ZSWIM5: variants seen among roughly 807,000 people sequenced by gnomAD.
The protein encoded by ZSWIM5 is zinc finger SWIM-type containing 5, also known as zinc finger SWIM domain-containing protein 5.
ZSWIM5 carries 55 observed loss-of-function variants against 119.6 expected under a neutral mutation model. The ratio of observed to expected loss-of-function variants is 0.46; its 90% CI spans 0.37 to 0.58. The LOEUF (loss-of-function observed/expected upper bound fraction) is 0.58. Among genes scored for constraint, ZSWIM5 ranks in the 20% least tolerant of loss-of-function variants. The probability of loss-of-function intolerance (pLI) is 0.00; values close to 1 mark genes in which losing one functional copy is unlikely to be tolerated. For missense variants in ZSWIM5, 1,193 were observed against 1,512.8 expected (o/e 0.79, Z 3.51); for synonymous variants, 537 against 606.9 (o/e 0.88, Z 1.69).
intron 1 of ZSWIM5, among the ~76,000 whole-genome samples, chr1:45,132,865 T>C (rs924700830): frequency 6.6e-6 from 1 of 152,292 alleles, no homozygotes; most frequent in African/African-American, 2.4e-5. Context: ...ATGTGGTGTT[T>C]GGTTTTTTTG....
At chr1:45,132,780 A>G (rs2149031334) in intron 1 of ZSWIM5, among the ~76,000 whole-genome samples, 1 of 152,062 alleles carries the variant, frequency 6.6e-6, no homozygotes, top group East Asian at 1.9e-4. Context: ...ACCCCACAAC[A>G]GGCCCCAGTG....
At chr1:45,164,835 C>G (rs190831335) in intron 1 of ZSWIM5, among the ~76,000 whole-genome samples, 2 of 152,034 alleles carry the variant, frequency 1.3e-5, no homozygotes, top group Non-Finnish European at 2.9e-5. Flanking sequence ...TAGAGACCTA[C>G]GAAGAGACTT....
At chr1:45,165,741 C>T (rs1410932445) in intron 1 of ZSWIM5, among the ~76,000 whole-genome samples, 1 of 152,120 alleles carries the variant, frequency 6.6e-6, no homozygotes, top group Non-Finnish European at 1.5e-5. Flanking sequence ...TTCCTGAACA[C>T]ATACACCCTC....
intron 1 of ZSWIM5, among the ~76,000 whole-genome samples, chr1:45,136,768 CCTTGTGAATA>C: frequency 6.6e-6 from 1 of 151,984 alleles, no homozygotes; most frequent in East Asian, 1.9e-4. Context: ...AGGTTTCAGC[CCTTGTGAATA>C]CTAGTCTATT....
intron 11 of ZSWIM5, among the ~76,000 whole-genome samples, chr1:45,026,738 T>G (rs1466076349): frequency 1.3e-5 from 2 of 152,180 alleles, no homozygotes. Context: ...CCTCATAGAG[T>G]AAGGAAGTGT....
At chr1:45,162,524 C>T (rs1223974936) in intron 1 of ZSWIM5, among the ~76,000 whole-genome samples, 2 of 152,212 alleles carry the variant, frequency 1.3e-5, no homozygotes, top group Non-Finnish European at 2.9e-5. Context: ...GGCGAGGCAT[C>T]GCCTCACCCA....
intron 1 of ZSWIM5, among the ~76,000 whole-genome samples, chr1:45,203,084 G>A (rs1646167483): frequency 6.6e-6 from 1 of 151,988 alleles, no homozygotes; most frequent in African/African-American, 2.4e-5. Context: ...CATCCCTGAA[G>A]AGACTAATTT....
intron 1 of ZSWIM5, among the ~76,000 whole-genome samples, chr1:45,097,014 C>T (rs1304585457): frequency 1.3e-5 from 2 of 152,180 alleles, no homozygotes; most frequent in African/African-American, 4.8e-5. Flanking sequence ...CTCCTAACAA[C>T]CAAGTACTTT....
At chr1:45,134,218 C>T (rs571714988) in intron 1 of ZSWIM5, among the ~76,000 whole-genome samples, 31 of 152,144 alleles carry the variant, frequency 2.0e-4, no homozygotes, top group African/African-American at 7.2e-4. Context: ...GCCATTTTCA[C>T]GATACTGATT....
At chr1:45,044,323 C>T (rs1645034267) in intron 5 of ZSWIM5, among the ~76,000 whole-genome samples, 1 of 152,008 alleles carries the variant, frequency 6.6e-6, no homozygotes, top group African/African-American at 2.4e-5. Context: ...TGTGATGACT[C>T]GCACCTGTTA....
At chr1:45,050,357 CAAATA>C (rs899126301) in intron 5 of ZSWIM5, among the ~76,000 whole-genome samples, 1 of 151,884 alleles carries the variant, frequency 6.6e-6, no homozygotes, top group East Asian at 1.9e-4. Flanking sequence ...ACCTTGTCTC[CAAATA>C]AAATAAAATA....
chr1:45,183,564 G>A (rs542243864), intron 1 of ZSWIM5, among the ~76,000 whole-genome samples: 47 of 152,234 alleles, frequency 3.1e-4, no homozygotes, highest in South Asian at 2.1e-3. Context: ...TGATAAAGGG[G>A]ATATCATCAC....
chr1:45,081,238 GCTCCCTCTCCCTCTCCCTCTCCCT>G (rs72132650), intron 2 of ZSWIM5, among the ~76,000 whole-genome samples: 3 of 146,270 alleles, frequency 2.1e-5, no homozygotes, highest in African/African-American at 7.7e-5. Context: ...TCTTTATCTA[GCTCCCTCTCCCTCTCCCTCTCCCT>G]CTCCCTCTCC....
At chr1:45,113,103 C>T (rs1462138646) in intron 1 of ZSWIM5, among the ~76,000 whole-genome samples, 1 of 152,152 alleles carries the variant, frequency 6.6e-6, no homozygotes, top group Non-Finnish European at 1.5e-5. Flanking sequence ...TTTTTTATTA[C>T]ATATAAACTG....
chr1:45,193,120 A>C lies in ZSWIM5; in HGVS notation c.595+12636T>G, dbSNP rs562434224. ...AGAAATATCTGGCAGGCAAATATAT[A>C]TGCTGATCTTTGGATTATTTGGAAG... On this transcript the variant is annotated intron_variant, in intron 1 of 13. Coordinates refer to ENST00000359600, the MANE Select transcript of ZSWIM5 (RefSeq NM_020883.2). Among the ~76,000 whole-genome samples, 1,033 of 152,256 alleles carry C rather than the reference A, an allele frequency of 6.8e-3. 10 individuals carry two copies. Among genetic ancestry groups the C allele is most frequent in the African/African-American group, 0.021 (879 of 41,534 alleles).
At chr1:45,123,863 C>G (rs1373419382) in intron 1 of ZSWIM5, among the ~76,000 whole-genome samples, 1 of 151,932 alleles carries the variant, frequency 6.6e-6, no homozygotes, top group African/African-American at 2.4e-5. Context: ...TAAACAAAAC[C>G]CCAGACCTTA....
chr1:45,195,839 G>T (rs1374250153), intron 1 of ZSWIM5, among the ~76,000 whole-genome samples: 1 of 150,864 alleles, frequency 6.6e-6, no homozygotes, highest in African/African-American at 2.4e-5. Context: ...CAGAAACAAT[G>T]ATAACACTAA....
intron 1 of ZSWIM5, among the ~76,000 whole-genome samples, chr1:45,109,977 G>A (rs1275258900): frequency 6.6e-6 from 1 of 151,836 alleles, no homozygotes; most frequent in South Asian, 2.1e-4. Flanking sequence ...CGATCCTCCC[G>A]CCTCAGCCTC....
rs370954131 is a variant in ZSWIM5 at position 45,044,834 on chromosome 1, T to A, written c.1433-1439A>T. 2.1e-3 allele frequency among the ~76,000 whole-genome samples: 13 copies of A among 6,170 alleles called. 1 individual carries two copies. The highest frequency in any genetic ancestry group is 8.0e-3 in the African/African-American group (9 of 1,130). The allele number at this position is 6,170 out of a possible 152,430, so 4.0% of individuals were successfully genotyped here. On this transcript the variant is annotated intron_variant, in intron 5 of 13. Transcript: ENST00000359600. ...ATATATATATATAAATATATATATA[T>A]AAATATATATATATAGATTAGCCGG... is the stretch of plus-strand genomic sequence containing the variant.
Sources: gnomAD v4.1 joint callset for allele counts (sites outside exome capture counted in the v4.1 genomes callset) on GRCh38, gnomAD v4.1.1 for gene constraint, MANE v1.5 for transcripts, NCBI Gene and HGNC (gene_info 2026-07-23, HGNC 2026-07-21) for gene names.